MEIS1: variants seen among roughly 807,000 people sequenced by gnomAD.
The protein encoded by MEIS1 is homeobox protein Meis1.
A neutral mutation model predicts 50.8 loss-of-function variants in MEIS1; 5 were observed. The ratio of observed to expected loss-of-function variants is 0.10; its 90% confidence interval spans 0.05 to 0.21. The LOEUF is 0.21. MEIS1 is among the 10% of genes least tolerant of loss of function. MEIS1 has a pLI of 1.00. For synonymous variants in MEIS1, 176 were observed against 179.3 expected, an observed-to-expected ratio of 0.98 and a Z score of 0.15; for missense variants, 318 against 517.3, an observed-to-expected ratio of 0.61 and a Z score of 3.74.
chr2:66,551,369 A>G (rs1281928667), intron 9 of MEIS1, among the ~76,000 whole-genome samples: 1 of 152,204 alleles, frequency 6.6e-6, no homozygotes, highest in Non-Finnish European at 1.5e-5. Context: ...ACTTAAAAGT[A>G]AAACAATAAG....
At chr2:66,511,300 A>G (rs1673824308) in intron 7 of MEIS1, among the ~76,000 whole-genome samples, 7 of 152,176 alleles carry the variant, frequency 4.6e-5, no homozygotes, top group Admixed American at 4.6e-4. Flanking sequence ...AAATTTCATT[A>G]TGTCACAGAG....
At chr2:66,555,300 A>G (rs1558562230) in intron 9 of MEIS1, among the ~76,000 whole-genome samples, 1 of 41,230 alleles carries the variant, frequency 2.4e-5, no homozygotes, top group African/African-American at 9.6e-5. Context: ...CACCCCCCAA[A>G]CCCCCCTCCC....
chr2:66,436,035 T>C (rs548787571), intron 1 of MEIS1, among the ~76,000 whole-genome samples, 167 bp downstream of exon 1: 198 of 152,294 alleles, frequency 1.3e-3, no homozygotes, highest in Non-Finnish European at 2.1e-3. Flanking sequence ...TGTAGACTTA[T>C]GTATGTTACT....
chr2:66,445,353 C>A (rs1395512069), intron 6 of MEIS1: 2 of 152,360 alleles, frequency 1.3e-5, no homozygotes, highest in Non-Finnish European at 2.9e-5. Context: ...AGTGCCACGG[C>A]CGCCGGTGGG....
At chr2:66,492,303 G>T (rs766108995) in intron 7 of MEIS1, among the ~76,000 whole-genome samples, 2 of 152,022 alleles carry the variant, frequency 1.3e-5, no homozygotes, top group Non-Finnish European at 2.9e-5. Flanking sequence ...TTCCGTAGAA[G>T]TTGGAAAATA....
chr2:66,440,407 G>A (rs914284114), intron 3 of MEIS1, 155 bp from the exon 4 acceptor site: 2 of 683,376 alleles, frequency 2.9e-6, no homozygotes, highest in African/African-American at 3.6e-5. Context: ...GTTTCTGCGC[G>A]GGACGAACTC....
chr2:66,532,755 T>A (rs10153587), intron 8 of MEIS1, among the ~76,000 whole-genome samples: 3,215 of 152,334 alleles, frequency 0.021, 132 homozygotes, highest in African/African-American at 0.072. Flanking sequence ...TTTTGCATTT[T>A]TAAAAATTGG....
At chr2:66,502,868 C>CCAGG (rs1301442426) in intron 7 of MEIS1, among the ~76,000 whole-genome samples, 1 of 152,108 alleles carries the variant, frequency 6.6e-6, no homozygotes, top group Non-Finnish European at 1.5e-5. Flanking sequence ...CTTCCTGCAC[C>CCAGG]CAGGGCTCAG....
At chr2:66,483,244 T>G (rs1046881088) in intron 7 of MEIS1, among the ~76,000 whole-genome samples, 4 of 147,564 alleles carry the variant, frequency 2.7e-5, no homozygotes, top group East Asian at 4.0e-4. Context: ...TTTTTTTTTT[T>G]GTCTTTTTGT....
chr2:66,502,858 C>G (rs1263083852), intron 7 of MEIS1, among the ~76,000 whole-genome samples: 1 of 152,208 alleles, frequency 6.6e-6, no homozygotes, highest in Non-Finnish European at 1.5e-5. Context: ...CTTATACTTT[C>G]TTCCTGCACC....
chr2:66,516,235 C>G (rs1349322543), intron 8 of MEIS1, among the ~76,000 whole-genome samples: 1 of 152,062 alleles, frequency 6.6e-6, no homozygotes, highest in Non-Finnish European at 1.5e-5. Flanking sequence ...ACTATATTTT[C>G]CTGCATGGAG....
At chr2:66,441,485 T>G (rs994756137) in intron 5 of MEIS1, 21 bp downstream of exon 5, 15 of 1,530,282 alleles carry the variant, frequency 9.8e-6, no homozygotes, top group Non-Finnish European at 1.3e-5. Context: ...TAGCCTCTTT[T>G]CCTTTTACTT....
At chr2:66,491,021 A>G (rs1673258749) in intron 7 of MEIS1, among the ~76,000 whole-genome samples, 1 of 151,976 alleles carries the variant, frequency 6.6e-6, no homozygotes, top group Admixed American at 6.6e-5. Flanking sequence ...GCTTTTAAAT[A>G]TAGTTTTGTT....
At chr2:66,441,562 T>C in intron 5 of MEIS1, 98 bp downstream of exon 5, 1 of 969,940 alleles carries the variant, frequency 1.0e-6, no homozygotes, top group Non-Finnish European at 1.5e-6. Context: ...TCTGATACAT[T>C]TGCATAAATG....
intron 3 of MEIS1, 83 bp downstream of exon 3, chr2:66,440,067 GAA>G (rs1491313440): frequency 9.9e-6 from 10 of 1,012,614 alleles, no homozygotes; most frequent in Admixed American, 6.3e-5. Context: ...GCGCGCGCGC[GAA>G]CACACACACA....
At chr2:66,534,772 A>G (rs1263966389) in intron 8 of MEIS1, among the ~76,000 whole-genome samples, 3 of 152,220 alleles carry the variant, frequency 2.0e-5, no homozygotes, top group Admixed American at 1.3e-4. Flanking sequence ...AACACATTAC[A>G]TAAAGCAAAA....
chr2:66,491,084 G>A (rs1022918973), intron 7 of MEIS1, among the ~76,000 whole-genome samples: 3 of 126,416 alleles, frequency 2.4e-5, no homozygotes, highest in Non-Finnish European at 4.6e-5. Flanking sequence ...CCAACCAATG[G>A]AAAAAAAAAA....
intron 7 of MEIS1, among the ~76,000 whole-genome samples, chr2:66,488,717 A>G (rs903473173): frequency 1.3e-5 from 2 of 152,170 alleles, no homozygotes; most frequent in African/African-American, 4.8e-5. Context: ...GCAGCTGACA[A>G]TATCAGCATT....
chr2:66,496,120 G>C (rs1673396374), intron 7 of MEIS1: 1 of 152,480 alleles, frequency 6.6e-6, no homozygotes, highest in African/African-American at 2.4e-5. Flanking sequence ...GAGAAGACTA[G>C]ATCCAGAAGA....
Sources: gnomAD v4.1 joint callset for allele counts (sites outside exome capture counted in the v4.1 genomes callset) on GRCh38, gnomAD v4.1.1 for gene constraint, MANE v1.5 for transcripts, NCBI Gene and HGNC (gene_info 2026-07-23, HGNC 2026-07-21) for gene names.